The following AGFG1 variants were observed in gnomAD, a reference collection of about 807,000 sequenced individuals.
AGFG1 encodes arf-GAP domain and FG repeat-containing protein 1.
AGFG1 carries 10 observed loss-of-function variants against 60.6 expected under a neutral mutation model. The observed-to-expected ratio is 0.16, with a 90% CI of 0.10 to 0.28. The LOEUF is 0.28. Among genes scored for constraint, AGFG1 ranks in the 10% least tolerant of loss-of-function variants. AGFG1 has a pLI of 1.00. For synonymous variants in AGFG1, 247 were observed against 242.9 expected (o/e 1.02, Z -0.16); for missense variants, 537 against 676.5 (o/e 0.79, Z 2.29).
chr2:227,492,115 C>T (rs1399236321), intron 2 of AGFG1, among the ~76,000 whole-genome samples: 2 of 151,962 alleles, frequency 1.3e-5, no homozygotes, highest in East Asian at 1.9e-4. Context: ...TAGTAGTTCT[C>T]AGTGGCAGCT....
chr2:227,550,204 A>C (rs1489443525), intron 10 of AGFG1: 3 of 303,614 alleles, frequency 9.9e-6, no homozygotes, highest in Middle Eastern at 4.1e-4. Context: ...TGTGGAATTA[A>C]GTTTTTTTCC....
At chr2:227,494,656 A>G (rs1231293559) in intron 2 of AGFG1, among the ~76,000 whole-genome samples, 1 of 152,344 alleles carries the variant, frequency 6.6e-6, no homozygotes, top group Non-Finnish European at 1.5e-5. Flanking sequence ...TGTTGAACAG[A>G]ATTAACCTGC....
chr2:227,484,387 AT>A (rs1216550219), intron 1 of AGFG1, among the ~76,000 whole-genome samples: 1 of 152,018 alleles, frequency 6.6e-6, no homozygotes, highest in Non-Finnish European at 1.5e-5. Context: ...AGTTTTAACC[AT>A]GTTGGCCAGG....
intron 6 of AGFG1, among the ~76,000 whole-genome samples, chr2:227,531,423 C>T (rs1692154550): frequency 6.6e-6 from 1 of 151,836 alleles, no homozygotes; most frequent in South Asian, 2.1e-4. Context: ...TGTTTGACAA[C>T]ATCCATTCTC....
At position 227,554,684 on chromosome 2, in the gene AGFG1, T is replaced by C. The variant is rs1692921062; in HGVS notation, c.*189T>C. The C allele has an allele frequency of 2.0e-6, 1 of 492,362 alleles. No homozygotes were observed. 30.5% of individuals were successfully genotyped at this position (492,362 alleles called of 1,614,324 possible). A position where few individuals can be genotyped will look rare whatever the true frequency, so the allele number is the denominator to read the frequency against. On this transcript the variant is annotated 3_prime_UTR_variant, in exon 13 of 13. Transcript: ENST00000310078. Reference sequence around the variant, plus strand: ...AGGGCTCCAGTAACACCTTCTAACCTGTGAATTGGCAGAAAAGGGTAGCGG... The same window carrying C: ...AGGGCTCCAGTAACACCTTCTAACCCGTGAATTGGCAGAAAAGGGTAGCGG...
Position 227,559,917 on chromosome 2 carries a change from A to T in AGFG1, c.*5422A>T, listed in dbSNP as rs1386088794. Reference sequence around the variant, plus strand: ...TTAAAGGTTTTTTGTATGCTATAATATATGCTTATGATTTCTAAAAATTAT... The same window carrying T: ...TTAAAGGTTTTTTGTATGCTATAATTTATGCTTATGATTTCTAAAAATTAT... On this transcript the variant is annotated 3_prime_UTR_variant, in exon 13 of 13. Coordinates refer to ENST00000310078, the MANE Select transcript of AGFG1 (RefSeq NM_004504.5). 6.6e-6 allele frequency: 1 copy of T among 152,164 alleles called. No homozygotes were observed. The highest frequency in any genetic ancestry group is 2.4e-5 in the African/African-American group (1 of 41,450). The allele number at this position is 152,164 out of a possible 1,614,324, so 9.4% of individuals were successfully genotyped here. A position where few individuals can be genotyped will look rare whatever the true frequency, so the allele number is the denominator to read the frequency against.
At chr2:227,515,047 C>T (rs1337750170) in intron 2 of AGFG1, among the ~76,000 whole-genome samples, 2 of 152,008 alleles carry the variant, frequency 1.3e-5, no homozygotes, top group East Asian at 1.9e-4. Context: ...CTCAGCCTCC[C>T]GAGTAGCTGG....
chr2:227,549,368 A>G (rs570242892), intron 10 of AGFG1, among the ~76,000 whole-genome samples: 3 of 152,368 alleles, frequency 2.0e-5, no homozygotes, highest in East Asian at 1.9e-4. Context: ...AAAAGGTACT[A>G]GTATTTAACA....
chr2:227,481,057 A>G (rs776537558), intron 1 of AGFG1, among the ~76,000 whole-genome samples: 3 of 119,460 alleles, frequency 2.5e-5, no homozygotes, highest in Admixed American at 8.3e-5. Flanking sequence ...AGAACCTCAT[A>G]TTGAAGTATT....
rs529173258 is a variant in AGFG1 at position 227,552,113 on chromosome 2, C to T, written c.1533C>T (p.Pro511=). The T allele has an allele frequency of 3.5e-5, 56 of 1,614,018 alleles. No individual in the cohort carries two copies. The highest frequency in any genetic ancestry group is 3.3e-4 in the Middle Eastern group (2 of 6,084). ...FPQQTAFSQQ[P]NGAGFAAFGQ... is the part of the protein sequence containing the mutation. Reference sequence around the variant, plus strand: ...AACAGACAGCTTTTTCTCAACAGCCCAATGGTAAGATCTAACATTTGGCGA... The same window carrying T: ...AACAGACAGCTTTTTCTCAACAGCCTAATGGTAAGATCTAACATTTGGCGA... Residue 511 remains proline (P), a synonymous_variant, in exon 11 of 13, where the codon CCC becomes CCT. Transcript: ENST00000310078.
intron 5 of AGFG1, among the ~76,000 whole-genome samples, chr2:227,529,447 T>G (rs1692097632): frequency 6.6e-6 from 1 of 152,184 alleles, no homozygotes; most frequent in African/African-American, 2.4e-5. Flanking sequence ...TTCATTAGCA[T>G]TGTTTTGTAG....
At chr2:227,513,700 A>G (rs1330670016) in intron 2 of AGFG1, among the ~76,000 whole-genome samples, 1 of 152,188 alleles carries the variant, frequency 6.6e-6, no homozygotes, top group Non-Finnish European at 1.5e-5. Flanking sequence ...ATCCATTTCT[A>G]TAGTAACTGA....
intron 5 of AGFG1, among the ~76,000 whole-genome samples, chr2:227,526,573 C>T (rs1287758427): frequency 4.6e-4 from 57 of 123,188 alleles, no homozygotes; most frequent in Non-Finnish European, 7.6e-4. Flanking sequence ...GATGGAGTCT[C>T]ACTCCCTTGT....
intron 10 of AGFG1, among the ~76,000 whole-genome samples, chr2:227,550,408 G>A (rs950117824): frequency 1.3e-5 from 2 of 152,062 alleles, no homozygotes; most frequent in African/African-American, 4.8e-5. Flanking sequence ...TTTGAGTGAC[G>A]CCTTTTTGAT....
rs185037755 is a variant in AGFG1, at chr2:227,543,776, T to C, written c.1378+6783T>C. 2.0e-5 allele frequency among the ~76,000 whole-genome samples: 3 copies of C among 152,302 alleles called. No homozygotes were observed. In the East Asian group the frequency reaches 5.8e-4, roughly 29 times the overall value. On this transcript the variant is annotated intron_variant, in intron 10 of 12. Coordinates refer to ENST00000310078, the MANE Select transcript of AGFG1 (RefSeq NM_004504.5). The stretch of plus-strand genomic sequence containing the variant: ...GGGGTGTTAAAGTCTCCCATTATTA[T>C]TGTGTGGGAGTCTAAGTCTCTTTGT...
rs746936662 is a variant in AGFG1 at position 227,534,876 on chromosome 2, A to G, written c.1056A>G (p.Thr352=). The G allele has an allele frequency of 2.5e-6, 4 of 1,613,838 alleles. No homozygotes were observed. In the South Asian group the frequency reaches 4.4e-5, roughly 18 times the overall value. Reference sequence around the variant, plus strand: ...ATCAGGGAAGTGGCTTTGGGACCACAGGTAAAGCTCCTGTTGGTTCTGTGG... The same window carrying G: ...ATCAGGGAAGTGGCTTTGGGACCACGGGTAAAGCTCCTGTTGGTTCTGTGG... ...GGDQGSGFGT[T]GKAPVGSVVS... Residue 352 remains threonine (T), a synonymous_variant, in exon 8 of 13, where the codon ACA becomes ACG. Transcript: ENST00000310078.
chr2:227,504,275 C>G (rs1192582127), intron 2 of AGFG1, among the ~76,000 whole-genome samples: 1 of 151,792 alleles, frequency 6.6e-6, no homozygotes, highest in Non-Finnish European at 1.5e-5. Flanking sequence ...TTACTGCAGC[C>G]TTGACTTCCT....
rs916833470 is a variant in AGFG1, at chr2:227,551,894, A to G, written c.1379-65A>G. On this transcript the variant is annotated intron_variant, in intron 10 of 12. Transcript: ENST00000310078. ...AGGTAAATGATGTCTTTTTACATTTACAATGTTGTGAGAAACTAAACATAT... is the reference window on the plus strand; with the variant it reads ...AGGTAAATGATGTCTTTTTACATTTGCAATGTTGTGAGAAACTAAACATAT... 2.6e-6 allele frequency: 4 copies of G among 1,543,588 alleles called. No individual in the cohort carries two copies. The African/African-American group carries it at 5.5e-5, about 21-fold the overall frequency.
chr2:227,531,525 CTTTTTT>C (rs34372948), intron 6 of AGFG1, among the ~76,000 whole-genome samples: 2 of 130,240 alleles, frequency 1.5e-5, no homozygotes, highest in Non-Finnish European at 3.2e-5. Flanking sequence ...CTCTCTGTCT[CTTTTTT>C]TTTTTTTTTG....
Sources: gnomAD v4.1 joint callset for allele counts (sites outside exome capture counted in the v4.1 genomes callset) on GRCh38, gnomAD v4.1.1 for gene constraint, MANE v1.5 for transcripts, NCBI Gene and HGNC (gene_info 2026-07-23, HGNC 2026-07-21) for gene names.